EMP2: variants seen among roughly 807,000 people sequenced by gnomAD.
The protein encoded by EMP2 is epithelial membrane protein 2.
Under a neutral mutation model 13.7 loss-of-function variants are expected in EMP2, and 19 were observed. The ratio of observed to expected loss-of-function variants is 1.38; its 90% confidence interval spans 0.97 to 2.03. The LOEUF (loss-of-function observed/expected upper bound fraction) is 2.03, where lower values mean the gene tolerates loss of function less well. Among genes scored for constraint, EMP2 ranks in the 30% most tolerant of loss-of-function variants. The pLI, the probability that EMP2 is intolerant of heterozygous loss-of-function variation, is 0.00. For synonymous variants in EMP2, 97 were observed against 84.7 expected, an observed-to-expected ratio of 1.15 and a Z score of -0.80; for missense variants, 253 against 220.7, an observed-to-expected ratio of 1.15 and a Z score of -0.93.
Position 10,554,627 on chromosome 16 carries a change from A to T in EMP2, c.-60-6950T>A, listed in dbSNP as rs1404014325. ...CAGAATTAATCCTTGCCATTCACAA[A>T]AAGTTATTTTCCCTTCGAAAAATGT... is the stretch of plus-strand genomic sequence containing the variant. On this transcript the variant is annotated intron_variant, in intron 1 of 4. Coordinates refer to ENST00000359543, the MANE Select transcript of EMP2 (RefSeq NM_001424.6). 3.3e-5 allele frequency among the ~76,000 whole-genome samples: 5 copies of T among 152,168 alleles called. No individual in the cohort carries two copies. The South Asian group carries it at 8.3e-4, about 25-fold the overall frequency.
At chr16:10,565,910 T>C (rs973874936) in intron 1 of EMP2, among the ~76,000 whole-genome samples, 1 of 152,164 alleles carries the variant, frequency 6.6e-6, no homozygotes, top group East Asian at 1.9e-4. Context: ...TCTGATGATA[T>C]TGCATCTGCT....
chr16:10,570,873 G>C (rs2050942292), intron 1 of EMP2, among the ~76,000 whole-genome samples: 1 of 152,000 alleles, frequency 6.6e-6, no homozygotes, highest in African/African-American at 2.4e-5. Context: ...AAAGGATAAA[G>C]AATTAGCTGG....
In EMP2 at chr16:10,537,943, TG is replaced by T; in HGVS notation, c.300del (p.Ile101SerfsTer3). 1.2e-6 allele frequency: 2 copies of T among 1,614,116 alleles called. No individual in the cohort carries two copies. The highest frequency in any genetic ancestry group is 2.2e-5 in the South Asian group (2 of 91,072). ...KQGERFVLTS[I>X]IQLMSCLCVM... ...ATGTACTTACATGACATTAGCTGGA[TG>T]ATGGAGGTTAGGACAAACCTCTCTC... is the stretch of plus-strand genomic sequence containing the variant. On this transcript the variant is annotated frameshift_variant, in exon 4 of 5. Transcript: ENST00000359543. LOFTEE classifies it low-confidence loss of function (END_TRUNC).
chr16:10,558,478 A>AGT (rs61441812), intron 1 of EMP2, among the ~76,000 whole-genome samples: 1,810 of 149,962 alleles, frequency 0.012, 20 homozygotes, highest in South Asian at 0.029. Context: ...GTTTGCTTAA[A>AGT]GTGTGTGTGT....
rs2050584812 is a variant in EMP2 at position 10,529,942 on chromosome 16, A to AG, written c.*2962_*2963insC. 6.6e-6 allele frequency: 1 copy of AG among 151,504 alleles called. No homozygotes were observed. Among genetic ancestry groups the AG allele is most frequent in the South Asian group, 2.1e-4 (1 of 4,800 alleles). The allele number at this position is 151,504 out of a possible 1,614,324, so 9.4% of individuals were successfully genotyped here. The stretch of plus-strand genomic sequence containing the variant: ...GCAAAACTCAGTCTCAAAAAAAAAA[A>AG]AAAAAAAGAAAAAGAAAAAAGAAAA... On this transcript the variant is annotated 3_prime_UTR_variant, in exon 5 of 5. Transcript: ENST00000359543.
At chr16:10,559,500 G>A (rs1009916872) in intron 1 of EMP2, among the ~76,000 whole-genome samples, 4 of 152,244 alleles carry the variant, frequency 2.6e-5, no homozygotes, top group Non-Finnish European at 1.5e-5. Flanking sequence ...GGATCATTCT[G>A]TCTGTGCAGC....
In EMP2 at chr16:10,543,611, G is replaced by A. The variant is rs137895000; in HGVS notation, c.128C>T (p.Thr43Ile). ...GATGACTGTGCAATTCGTGTTGTTGGTACATATTCTCCAGACATCTGCAAA... is the reference window on the plus strand; with the variant it reads ...GATGACTGTGCAATTCGTGTTGTTGATACATATTCTCCAGACATCTGCAAA... Reference protein sequence around the residue: ...EFFADVWRICTNNTNCTVIND... With the variant: ...EFFADVWRICINNTNCTVIND... The change falls in exon 3 of 5, where the codon ACC (threonine) becomes ATC (isoleucine). Residue 43 changes from threonine (T) to isoleucine (I), a missense_variant. Coordinates refer to ENST00000359543, the MANE Select transcript of EMP2 (RefSeq NM_001424.6). 1,205 of 1,614,072 alleles carry A rather than the reference G, an allele frequency of 7.5e-4. 2 individuals are homozygous for A. Among genetic ancestry groups the A allele is most frequent in the Non-Finnish European group, 1.0e-3 (1,183 of 1,180,026 alleles).
chr16:10,573,221 G>A (rs536827210), intron 1 of EMP2, among the ~76,000 whole-genome samples: 1 of 151,978 alleles, frequency 6.6e-6, no homozygotes, highest in African/African-American at 2.4e-5. Flanking sequence ...GGCTAATTTT[G>A]CTATTTTTTT....
rs2050599174 is a variant in EMP2, at chr16:10,531,259, A to C, written c.*1646T>G. The C allele has an allele frequency of 6.6e-6, 1 of 151,984 alleles. No individual in the cohort carries two copies. The highest frequency in any genetic ancestry group is 2.4e-5 in the African/African-American group (1 of 41,324). The allele number at this position is 151,984 out of a possible 1,614,324, so 9.4% of individuals were successfully genotyped here. On this transcript the variant is annotated 3_prime_UTR_variant, in exon 5 of 5. Coordinates refer to ENST00000359543, the MANE Select transcript of EMP2 (RefSeq NM_001424.6). Reference sequence around the variant, plus strand: ...AGTGCTGGGATTACAGGTGTGAGCCACCGCACCCAGCTGATTTTGAATTCT... The same window carrying C: ...AGTGCTGGGATTACAGGTGTGAGCCCCCGCACCCAGCTGATTTTGAATTCT...
intron 1 of EMP2, chr16:10,558,888 C>A (rs1256203690): frequency 6.6e-6 from 1 of 152,270 alleles, no homozygotes; most frequent in African/African-American, 2.4e-5. Flanking sequence ...CTCGGGAGTT[C>A]TTCCTACTAT....
intron 1 of EMP2, among the ~76,000 whole-genome samples, chr16:10,556,313 G>T (rs1217721173): frequency 2.6e-5 from 4 of 151,672 alleles, no homozygotes; most frequent in African/African-American, 9.7e-5. Flanking sequence ...GTCTTCTGTT[G>T]CAGAACCCCA....
At chr16:10,542,574 G>A (rs1019116545) in intron 3 of EMP2, among the ~76,000 whole-genome samples, 1 of 152,034 alleles carries the variant, frequency 6.6e-6, no homozygotes, top group Non-Finnish European at 1.5e-5. Context: ...CGGGTATACT[G>A]TATTTTATCA....
chr16:10,560,053 G>A (rs1017276102), intron 1 of EMP2, among the ~76,000 whole-genome samples: 10 of 152,290 alleles, frequency 6.6e-5, no homozygotes, highest in East Asian at 1.9e-4. Context: ...AGTAAAAGCT[G>A]GAGCTGGCAT....
chr16:10,569,072 G>C (rs978082730), intron 1 of EMP2, among the ~76,000 whole-genome samples: 7 of 152,134 alleles, frequency 4.6e-5, no homozygotes, highest in African/African-American at 1.7e-4. Flanking sequence ...ACAGGCGTGA[G>C]CCACCGCGCC....
intron 1 of EMP2, among the ~76,000 whole-genome samples, chr16:10,562,399 T>C (rs1163433059): frequency 6.6e-6 from 1 of 151,284 alleles, no homozygotes; most frequent in Non-Finnish European, 1.5e-5. Context: ...TCTCTCTCTC[T>C]ATCTCTATCT....
At chr16:10,563,834 G>C (rs2050889385) in intron 1 of EMP2, among the ~76,000 whole-genome samples, 1 of 152,248 alleles carries the variant, frequency 6.6e-6, no homozygotes, top group South Asian at 2.1e-4. Flanking sequence ...AGATAATGAA[G>C]TGAAAGTAGT....
chr16:10,557,287 G>A (rs114989165), intron 1 of EMP2, among the ~76,000 whole-genome samples: 140 of 151,096 alleles, frequency 9.3e-4, no homozygotes, highest in African/African-American at 3.3e-3. Context: ...AACCCGGTAG[G>A]TGGAGGTTGC....
intron 1 of EMP2, 51 bp from the exon 2 acceptor site, chr16:10,547,728 A>G: frequency 9.2e-7 from 1 of 1,090,610 alleles, no homozygotes; most frequent in Non-Finnish European, 1.3e-6. Flanking sequence ...ACAAAACAAA[A>G]TTACAATAAA....
At chr16:10,552,786 C>T (rs1466222656) in intron 1 of EMP2, among the ~76,000 whole-genome samples, 2 of 152,168 alleles carry the variant, frequency 1.3e-5, no homozygotes, top group African/African-American at 2.4e-5. Context: ...TAGAAATCCT[C>T]AGGGTGGTTG....
Sources: allele counts gnomAD v4.1 joint callset (sites outside exome capture counted in the v4.1 genomes callset), GRCh38; gene constraint gnomAD v4.1.1; transcripts MANE v1.5; gene names NCBI Gene and HGNC (gene_info 2026-07-23, HGNC 2026-07-21).